The following PARN variants were observed in gnomAD, a reference collection of about 807,000 sequenced individuals.
PARN encodes poly(A)-specific ribonuclease.
In PARN, 71 loss-of-function variants were observed where a neutral mutation model predicts 102.8. The observed-to-expected ratio is 0.69, with a 90% CI of 0.57 to 0.84. The LOEUF (loss-of-function observed/expected upper bound fraction) is 0.84. Among genes scored for constraint, PARN ranks in the 40% least tolerant of loss-of-function variants. The pLI, the probability that PARN is intolerant of heterozygous loss-of-function variation, is 0.00. For missense variants in PARN, 782 were observed against 760.9 expected, an observed-to-expected ratio of 1.03 and a Z score of -0.33; for synonymous variants, 261 against 252.9, an observed-to-expected ratio of 1.03 and a Z score of -0.30.
chr16:14,534,663 TTC>T (rs1362801974), intron 21 of PARN, among the ~76,000 whole-genome samples: 1 of 152,156 alleles, frequency 6.6e-6, no homozygotes, highest in African/African-American at 2.4e-5. Context: ...GACAGTGTCT[TTC>T]TGTGTTCCTT....
At chr16:14,581,766 A>T (rs1042696936) in intron 17 of PARN, among the ~76,000 whole-genome samples, 1 of 152,156 alleles carries the variant, frequency 6.6e-6, no homozygotes, top group Non-Finnish European at 1.5e-5. Context: ...TAAAAAAATT[A>T]AAAAGTTAGC....
chr16:14,509,286 T>C (rs1041478506), intron 21 of PARN, among the ~76,000 whole-genome samples: 4 of 152,150 alleles, frequency 2.6e-5, no homozygotes, highest in Non-Finnish European at 5.9e-5. Context: ...CACCCATAGA[T>C]AATCTCTTGG....
At chr16:14,605,586 C>T (rs1015519147) in intron 10 of PARN, among the ~76,000 whole-genome samples, 3 of 152,120 alleles carry the variant, frequency 2.0e-5, no homozygotes, top group Admixed American at 1.3e-4. Context: ...TGTCAGATAA[C>T]TAGTACTTTC....
intron 9 of PARN, 173 bp downstream of exon 9, chr16:14,608,108 A>G (rs933977625): frequency 8.0e-6 from 5 of 626,928 alleles, no homozygotes; most frequent in South Asian, 2.0e-5. Context: ...TTAAAAAACA[A>G]TAACAAAAGA....
intron 21 of PARN, among the ~76,000 whole-genome samples, chr16:14,487,072 G>C (rs572478247): frequency 2.0e-5 from 3 of 152,228 alleles, no homozygotes; most frequent in Admixed American, 6.5e-5. Flanking sequence ...CGGCCCACCC[G>C]GGGCATCCGG....
At chr16:14,493,311 G>A (rs1163368777) in intron 21 of PARN, among the ~76,000 whole-genome samples, 1 of 152,158 alleles carries the variant, frequency 6.6e-6, no homozygotes, top group Non-Finnish European at 1.5e-5. Flanking sequence ...GAGTTTCTGG[G>A]CTCAAGCAAT....
At chr16:14,582,351 C>A in intron 16 of PARN, 60 bp from the exon 17 acceptor site, 1 of 1,095,900 alleles carries the variant, frequency 9.1e-7, no homozygotes, top group East Asian at 2.4e-5. Flanking sequence ...CATTGCCCTA[C>A]CAATCAAAAT....
chr16:14,568,212 AC>A lies in PARN; in HGVS notation c.1263-12504del, dbSNP rs1406110767. 3.6e-5 allele frequency among the ~76,000 whole-genome samples: 5 copies of A among 138,046 alleles called. No individual in the cohort carries two copies. The East Asian group carries it at 8.2e-4, about 23-fold the overall frequency. 90.6% of individuals were successfully genotyped at this position (138,046 alleles called of 152,430 possible). On this transcript the variant is annotated intron_variant, in intron 18 of 23. Transcript: ENST00000437198. ...GAAAAACTTTATTTTTTTTATTTTT[AC>A]CTTTTTTTTTTTTTTTTGAGACGGA...
At chr16:14,615,315 A>C (rs943543833) in intron 6 of PARN, among the ~76,000 whole-genome samples, 3 of 152,094 alleles carry the variant, frequency 2.0e-5, no homozygotes, top group Admixed American at 2.0e-4. Context: ...AAAAAAAAAA[A>C]AAACAAGTTA....
chr16:14,491,379 T>G (rs1310177717), intron 21 of PARN, among the ~76,000 whole-genome samples: 1 of 151,976 alleles, frequency 6.6e-6, no homozygotes, highest in African/African-American at 2.4e-5. Flanking sequence ...AGGTGCTCTC[T>G]GAGGGAAGGG....
At chr16:14,608,956 G>C in intron 8 of PARN, 102 bp downstream of exon 8, 1 of 658,480 alleles carries the variant, frequency 1.5e-6, no homozygotes. Flanking sequence ...ATAATAAAAA[G>C]ACCCTTTATA....
chr16:14,527,500 C>A (rs1046373888), intron 21 of PARN, among the ~76,000 whole-genome samples: 1 of 152,162 alleles, frequency 6.6e-6, no homozygotes, highest in Non-Finnish European at 1.5e-5. Context: ...GTCATGAAAG[C>A]TGAATTAGCA....
At chr16:14,539,581 T>C (rs891995743) in intron 21 of PARN, among the ~76,000 whole-genome samples, 2 of 152,248 alleles carry the variant, frequency 1.3e-5, no homozygotes, top group Admixed American at 6.5e-5. Context: ...GTCAGTATTA[T>C]TAAACATTTC....
intron 21 of PARN, among the ~76,000 whole-genome samples, chr16:14,528,768 C>G (rs559491865): frequency 6.6e-6 from 1 of 152,162 alleles, no homozygotes; most frequent in African/African-American, 2.4e-5. Context: ...ACTCAGGTTA[C>G]ATCAAACACC....
In PARN at chr16:14,610,684, T is replaced by G. The variant is rs774129281; in HGVS notation, c.514A>C (p.Thr172Pro). ...AACTTCTTTTGATCCTCAGGAATCG[T>G]GACAGGACATTTTGAAGTGTTAGGA... ...VSPNTSKCPV[T>P]IPEDQKKFID... is the part of the protein sequence containing the mutation. The change falls in exon 7 of 24, where the codon ACG becomes CCG. Residue 172 changes from threonine (T) to proline (P), a missense_variant. Physicochemically the swap from Thr to Pro is conservative, Grantham distance 38. Coordinates refer to ENST00000437198, the MANE Select transcript of PARN (RefSeq NM_002582.4). 3 of 1,611,352 alleles carry G rather than the reference T, an allele frequency of 1.9e-6. No individual in the cohort carries two copies. In the African/African-American group the frequency reaches 4.0e-5, roughly 21 times the overall value.
chr16:14,624,988 G>A (rs1415120052), intron 5 of PARN, among the ~76,000 whole-genome samples: 3 of 151,862 alleles, frequency 2.0e-5, no homozygotes, highest in Non-Finnish European at 4.4e-5. Flanking sequence ...GCTTTAGCCT[G>A]GGCAACAAGA....
chr16:14,456,426 GGTCCCCCAAAGTGCC>G (rs1439672158), intron 22 of PARN, among the ~76,000 whole-genome samples: 1 of 151,852 alleles, frequency 6.6e-6, no homozygotes, highest in East Asian at 1.9e-4. Flanking sequence ...CTCCCTCCTT[GGTCCCCCAAAGTGCC>G]GGTATTATAG....
Position 14,562,057 on chromosome 16 carries a change from C to G in PARN, c.1263-6348G>C, listed in dbSNP as rs538609110. ...ATCCCAGCTACTCGGGAGGCTGAGG[C>G]AGGAGAATCGCTTAAACCTGGGAGG... On this transcript the variant is annotated intron_variant, in intron 18 of 23. Coordinates refer to ENST00000437198, the MANE Select transcript of PARN (RefSeq NM_002582.4). Among the ~76,000 whole-genome samples the G allele has an allele frequency of 9.9e-5, 15 of 152,248 alleles. No individual in the cohort carries two copies. The South Asian group carries it at 3.1e-3, about 32-fold the overall frequency.
At chr16:14,611,028 C>T (rs1282639210) in intron 6 of PARN, among the ~76,000 whole-genome samples, 1 of 152,154 alleles carries the variant, frequency 6.6e-6, no homozygotes, top group African/African-American at 2.4e-5. Flanking sequence ...TTATGCTGTG[C>T]CAAAGCATTA....
Sources: gnomAD v4.1 joint callset for allele counts (sites outside exome capture counted in the v4.1 genomes callset) on GRCh38, gnomAD v4.1.1 for gene constraint, MANE v1.5 for transcripts, NCBI Gene and HGNC (gene_info 2026-07-23, HGNC 2026-07-21) for gene names.